Variants in CPNE4 observed in about 807,000 individuals in gnomAD.
CPNE4 encodes the protein copine-4.
Under a neutral mutation model 67.9 loss-of-function variants are expected in CPNE4, and 25 were observed. The observed-to-expected ratio is 0.37, with a 90% confidence interval of 0.27 to 0.51. The LOEUF is 0.51. Among genes scored for constraint, CPNE4 ranks in the 20% least tolerant of loss-of-function variants. The probability of loss-of-function intolerance (pLI) is 0.93; values close to 1 mark genes in which losing one functional copy is unlikely to be tolerated. For missense variants in CPNE4, 464 were observed against 690.8 expected, an observed-to-expected ratio of 0.67 and a Z score of 3.68; for synonymous variants, 242 against 244.9, an observed-to-expected ratio of 0.99 and a Z score of 0.11.
chr3:131,887,341 A>G (rs1190592668), intron 2 of CPNE4, among the ~76,000 whole-genome samples: 1 of 152,180 alleles, frequency 6.6e-6, no homozygotes, highest in African/African-American at 2.4e-5. Context: ...AGCCACGTGG[A>G]ACTGTAAGTC....
chr3:131,919,302 A>C (rs1000235986), intron 1 of CPNE4, among the ~76,000 whole-genome samples: 6 of 152,204 alleles, frequency 3.9e-5, no homozygotes, highest in African/African-American at 9.6e-5. Context: ...CAACAGCAAC[A>C]TGCAGCCTAA....
intron 1 of CPNE4, among the ~76,000 whole-genome samples, chr3:131,991,446 C>A (rs903695516): frequency 7.4e-6 from 1 of 135,974 alleles, no homozygotes; most frequent in Non-Finnish European, 1.7e-5. Flanking sequence ...ATAGGTGACT[C>A]TTTCTATGCT....
chr3:131,606,620 C>T (rs973539641), intron 7 of CPNE4, among the ~76,000 whole-genome samples: 7 of 152,100 alleles, frequency 4.6e-5, no homozygotes, highest in South Asian at 4.1e-4. Flanking sequence ...TCTAGTTTAT[C>T]CTTGGGCACA....
At chr3:131,978,375 TA>T (rs1463282240) in intron 1 of CPNE4, among the ~76,000 whole-genome samples, 83 of 1,010 alleles carry the variant, frequency 0.082, 33 homozygotes, top group Non-Finnish European at 0.12. Context: ...TTTATATATA[TA>T]TTTATATATT....
intron 2 of CPNE4, among the ~76,000 whole-genome samples, chr3:131,810,145 G>C (rs939337085): frequency 6.6e-6 from 1 of 151,950 alleles, no homozygotes; most frequent in Non-Finnish European, 1.5e-5. Context: ...CATTGGTCTT[G>C]GCAATAATGT....
At chr3:131,834,408 T>C (rs2085481718) in intron 2 of CPNE4, among the ~76,000 whole-genome samples, 1 of 152,178 alleles carries the variant, frequency 6.6e-6, no homozygotes, top group Admixed American at 6.5e-5. Context: ...TAAGAGAAGT[T>C]AGACTTTATT....
At chr3:131,581,507 C>T in intron 9 of CPNE4, 72 bp downstream of exon 9, 1 of 994,952 alleles carries the variant, frequency 1.0e-6, no homozygotes. Flanking sequence ...TTTCCTCTGA[C>T]CACACCACCT....
intron 3 of CPNE4, among the ~76,000 whole-genome samples, chr3:131,718,726 T>G (rs2081804943): frequency 6.6e-6 from 1 of 152,226 alleles, no homozygotes; most frequent in South Asian, 2.1e-4. Flanking sequence ...TTTACCAGTC[T>G]GTGTTTCTCA....
At chr3:131,817,222 G>T (rs1196526488) in intron 2 of CPNE4, among the ~76,000 whole-genome samples, 1 of 152,120 alleles carries the variant, frequency 6.6e-6, no homozygotes, top group African/African-American at 2.4e-5. Context: ...GGGAGTGGGA[G>T]TGTAGCCGTG....
Position 131,534,126 on chromosome 3 carries a change from C to G in CPNE4, c.*1069G>C, listed in dbSNP as rs542166530. The G allele has an allele frequency of 6.6e-6, 1 of 152,182 alleles. No individual in the cohort carries two copies. 9.4% of individuals were successfully genotyped at this position (152,182 alleles called of 1,614,324 possible). On this transcript the variant is annotated 3_prime_UTR_variant, in exon 16 of 16. Coordinates refer to ENST00000429747, the MANE Select transcript of CPNE4 (RefSeq NM_130808.3). ...TCTATTGTTGTGGTTCCAGTGAAGA[C>G]GCTTTGAGATCACTTCTAGGGATTG...
At chr3:131,876,653 A>AAAAAAAAAAAAAAAAG (rs762079430) in intron 2 of CPNE4, among the ~76,000 whole-genome samples, 2 of 140,676 alleles carry the variant, frequency 1.4e-5, no homozygotes, top group East Asian at 2.1e-4. Flanking sequence ...AAAAAAAAAA[A>AAAAAAAAAAAAAAAAG]AAAGAAAGAA....
chr3:131,901,032 T>C (rs2088534306), intron 2 of CPNE4, among the ~76,000 whole-genome samples: 1 of 151,908 alleles, frequency 6.6e-6, no homozygotes, highest in Non-Finnish European at 1.5e-5. Context: ...ATAATTTGGG[T>C]GTTCCCAATG....
intron 2 of CPNE4, among the ~76,000 whole-genome samples, chr3:131,734,273 C>G (rs1188842466): frequency 6.6e-6 from 1 of 152,154 alleles, no homozygotes; most frequent in South Asian, 2.1e-4. Flanking sequence ...ACACTTTGCT[C>G]TTACCATGAA....
intron 7 of CPNE4, among the ~76,000 whole-genome samples, chr3:131,604,405 G>A (rs1376729027): frequency 6.6e-6 from 1 of 152,118 alleles, no homozygotes; most frequent in Non-Finnish European, 1.5e-5. Flanking sequence ...AATACTGAGT[G>A]TCAACTTGAT....
At chr3:131,700,020 A>G (rs762469508) in intron 3 of CPNE4, 40 bp from the exon 4 acceptor site, 7 of 1,351,788 alleles carry the variant, frequency 5.2e-6, no homozygotes, top group Non-Finnish European at 7.3e-6. Context: ...AGGTAGAGAT[A>G]CTAGTCATTT....
intron 1 of CPNE4, among the ~76,000 whole-genome samples, chr3:132,009,819 T>C (rs749714517): frequency 2.0e-4 from 30 of 152,226 alleles, no homozygotes; most frequent in Non-Finnish European, 3.7e-4. Context: ...TTTAAGTTGT[T>C]AACAACTGAG....
chr3:131,621,814 C>T (rs1383627298), intron 7 of CPNE4, among the ~76,000 whole-genome samples: 2 of 150,802 alleles, frequency 1.3e-5, no homozygotes, highest in Non-Finnish European at 2.9e-5. Flanking sequence ...TGAGACCAGC[C>T]TGAGCAATGT....
intron 2 of CPNE4, among the ~76,000 whole-genome samples, chr3:131,734,873 A>G (rs2107767173): frequency 6.6e-6 from 1 of 152,268 alleles, no homozygotes; most frequent in Admixed American, 6.5e-5. Context: ...CCTGGGCAAC[A>G]GGAGTGAAAC....
At chr3:131,856,100 T>A (rs778402449) in intron 2 of CPNE4, among the ~76,000 whole-genome samples, 5 of 151,962 alleles carry the variant, frequency 3.3e-5, no homozygotes, top group African/African-American at 7.2e-5. Flanking sequence ...GCCAGGAACT[T>A]CTGATAATAC....
Sources: gnomAD v4.1 joint callset for allele counts (sites outside exome capture counted in the v4.1 genomes callset) on GRCh38, gnomAD v4.1.1 for gene constraint, MANE v1.5 for transcripts, NCBI Gene and HGNC (gene_info 2026-07-23, HGNC 2026-07-21) for gene names.